The following NR4A1 variants were observed in gnomAD, a reference collection of about 807,000 sequenced individuals.
NR4A1 encodes the protein nuclear receptor subfamily 4 group A member 1, also known as nuclear receptor subfamily 4immunitygroup A member 1.
Under a neutral mutation model 47.5 loss-of-function variants are expected in NR4A1, and 24 were observed. The observed-to-expected ratio is 0.50, with a 90% CI of 0.37 to 0.71. The LOEUF (loss-of-function observed/expected upper bound fraction) is 0.71. Ranked by LOEUF, NR4A1 falls within the 30% of genes least tolerant of loss-of-function variation. The pLI, the probability that NR4A1 is intolerant of heterozygous loss-of-function variation, is 0.00. For synonymous variants in NR4A1, 353 were observed against 345.7 expected (o/e 1.02, Z -0.24); for missense variants, 669 against 788.6 (o/e 0.85, Z 1.82).
rs1939322085 is a variant in NR4A1 at position 52,057,259 on chromosome 12, G to C, written c.1361G>C (p.Arg454Thr). Residue 454 changes from arginine to threonine, a missense_variant and splice_region_variant, in exon 5 of 7, where the codon AGG becomes ACG. By Grantham distance (71) the Arg-to-Thr change is moderately conservative. Transcript: ENST00000394825. ...CTCTTCATCCTCCGCCTGGCGTACA[G>C]GTGAGAGCCACTGACTGTCTGCCCA... ...LELFILRLAYRSKPGEGKLIF... is the reference protein window; with the variant it reads ...LELFILRLAYTSKPGEGKLIF... The C allele has an allele frequency of 1.9e-6, 3 of 1,613,490 alleles. No individual in the cohort carries two copies. Among genetic ancestry groups the C allele is most frequent in the Non-Finnish European group, 2.5e-6 (3 of 1,179,818 alleles).
In NR4A1 at chr12:52,054,408, C is replaced by T. The variant is rs201407631; in HGVS notation, c.80C>T (p.Thr27Ile). 2.0e-5 allele frequency: 32 copies of T among 1,613,820 alleles called. 1 individual carries two copies. In the East Asian group the frequency reaches 6.5e-4, roughly 33 times the overall value. Residue 27 changes from threonine to isoleucine, a missense_variant, in exon 2 of 7, where the codon ACC becomes ATC. Physicochemically the swap from Thr to Ile is moderately conservative, Grantham distance 89 (BLOSUM62 -1). Coordinates refer to ENST00000394825, the MANE Select transcript of NR4A1 (RefSeq NM_173157.3). ...GACCACCTGGCAAGCGACCCCCTGA[C>T]CCCTGAGTTCATCAAGCCCACCATG... The part of the protein sequence containing the change: ...PRDHLASDPL[T>I]PEFIKPTMDL...
upstream of NR4A1, among the ~76,000 whole-genome samples, chr12:52,048,410 C>T (rs1358033912): frequency 2.0e-5 from 3 of 151,938 alleles, no homozygotes; most frequent in African/African-American, 2.4e-5. Flanking sequence ...CTGGCTAACA[C>T]AGTGAAACCC....
intron 2 of NR4A1, chr12:52,045,417 C>T (rs1391475369): frequency 2.6e-6 from 1 of 379,530 alleles, no homozygotes; most frequent in Non-Finnish European, 5.5e-6. Context: ...CCCCCTGTAG[C>T]ACTTCCCTGT....
chr12:52,050,598 G>A (rs1938872818), upstream of NR4A1, among the ~76,000 whole-genome samples: 1 of 152,212 alleles, frequency 6.6e-6, no homozygotes, highest in Non-Finnish European at 1.5e-5. Context: ...GGGACGGTGC[G>A]AAACCAAGTT....
At chr12:52,048,491 G>T (rs1348130061), upstream of NR4A1, among the ~76,000 whole-genome samples, 1 of 152,112 alleles carries the variant, frequency 6.6e-6, no homozygotes. Flanking sequence ...TGACTCGGGA[G>T]GCTGAGGCAG....
intron 2 of NR4A1, 167 bp from the exon 3 acceptor site, chr12:52,055,863 C>CG (rs1267141706): frequency 1.1e-5 from 5 of 458,968 alleles, no homozygotes; most frequent in African/African-American, 1.0e-4. Flanking sequence ...CTCCCCCCGC[C>CG]CAACCCCGTC....
chr12:52,052,698 T>G, intron 1 of NR4A1: 1 of 977,048 alleles, frequency 1.0e-6, no homozygotes, highest in Non-Finnish European at 1.2e-6. Flanking sequence ...GAGGGACTGA[T>G]GGGGGTTGAT....
intron 1 of NR4A1, among the ~76,000 whole-genome samples, chr12:52,029,791 A>T (rs1592280418): frequency 1.3e-5 from 2 of 152,218 alleles, no homozygotes; most frequent in Non-Finnish European, 2.9e-5. Flanking sequence ...GGCTTCCTTC[A>T]GTTCCCTCCC....
chr12:52,041,328 C>T (rs773663597), intron 1 of NR4A1, among the ~76,000 whole-genome samples: 3 of 152,102 alleles, frequency 2.0e-5, no homozygotes, highest in African/African-American at 4.8e-5. Context: ...CGAACCCAGA[C>T]GGTCTGGGAT....
At chr12:52,051,260 TCCTCGCCCCGCCC>T, upstream of NR4A1, 1 of 223,166 alleles carries the variant, frequency 4.5e-6, no homozygotes, top group Non-Finnish European at 7.5e-6. Context: ...AGGCCCCCCC[TCCTCGCCCCGCCC>T]CCTCGGGCTC....
upstream of NR4A1, among the ~76,000 whole-genome samples, chr12:52,050,211 T>G (rs567738992): frequency 1.2e-3 from 178 of 152,324 alleles, 1 homozygote; most frequent in Middle Eastern, 3.4e-3. Context: ...GGCTGAAGCC[T>G]GGTCTGTGCC....
rs751283612 is a variant in NR4A1, at chr12:52,054,830, G to A, written c.502G>A (p.Glu168Lys). Residue 168 changes from glutamate to lysine, a missense_variant, in exon 2 of 7, where the codon GAA (glutamate) becomes AAA (lysine). Physicochemically the swap from Glu to Lys is moderately conservative, Grantham distance 56. Coordinates refer to ENST00000394825, the MANE Select transcript of NR4A1 (RefSeq NM_173157.3). ...CCACTTCTCGCCCAGCCAGACTTAC[G>A]AAGGCCTGCGGGCATGGACAGAGCA... ...FGHFSPSQTY[E>K]GLRAWTEQLP... 4.3e-6 allele frequency: 7 copies of A among 1,613,670 alleles called. No individual in the cohort carries two copies. Among genetic ancestry groups the A allele is most frequent in the Admixed American group, 1.7e-5 (1 of 60,018 alleles).
At position 52,057,404 on chromosome 12, in the gene NR4A1, C is replaced by T. The variant is rs144874620; in HGVS notation, c.1414C>T (p.Arg472Trp). 1.2e-5 allele frequency: 19 copies of T among 1,614,224 alleles called. No homozygotes were observed. The highest frequency in any genetic ancestry group is 5.3e-5 in the African/African-American group (4 of 75,070). The change falls in exon 6 of 7, where the codon CGG becomes TGG. Residue 472 changes from arginine to tryptophan, a missense_variant. Coordinates refer to ENST00000394825, the MANE Select transcript of NR4A1 (RefSeq NM_173157.3). ...LIFCSGLVLHRLQCARGFGDW... is the reference protein window; with the variant it reads ...LIFCSGLVLHWLQCARGFGDW... The stretch of plus-strand genomic sequence containing the variant: ...CTTCTGCTCAGGCCTGGTGCTACAC[C>T]GGCTGCAGTGTGCCCGTGGCTTCGG...
Position 52,057,383 on chromosome 12 carries a change from T to C in NR4A1, c.1393T>C (p.Cys465Arg). ...SKPGEGKLIFCSGLVLHRLQC... is the reference protein window; with the variant it reads ...SKPGEGKLIFRSGLVLHRLQC... ...GCCAGGCGAGGGCAAGCTCATCTTC[T>C]GCTCAGGCCTGGTGCTACACCGGCT... Residue 465 changes from cysteine to arginine, a missense_variant, in exon 6 of 7, where the codon TGC becomes CGC. By Grantham distance (180) the Cys-to-Arg change is radical. Transcript: ENST00000394825. The C allele has an allele frequency of 6.2e-7, 1 of 1,614,268 alleles. No homozygotes were observed. Among genetic ancestry groups the C allele is most frequent in the Non-Finnish European group, 8.5e-7 (1 of 1,180,054 alleles).
intron 1 of NR4A1, among the ~76,000 whole-genome samples, chr12:52,035,823 T>G (rs1938223767): frequency 1.3e-5 from 2 of 150,936 alleles, no homozygotes; most frequent in South Asian, 2.1e-4. Flanking sequence ...GGCAGTGGGG[T>G]GGAGAGAGGA....
chr12:52,024,429 C>T (rs1484463761), intron 1 of NR4A1, among the ~76,000 whole-genome samples: 1 of 152,130 alleles, frequency 6.6e-6, no homozygotes, highest in Non-Finnish European at 1.5e-5. Context: ...CCAGATTCGG[C>T]CAGAGGGGTG....
chr12:52,045,345 G>A (rs1938591121), intron 2 of NR4A1: 1 of 296,186 alleles, frequency 3.4e-6, no homozygotes, highest in South Asian at 2.5e-5. Flanking sequence ...GAGTTCCACA[G>A]GGCCGAGTGT....
intron 1 of NR4A1, among the ~76,000 whole-genome samples, chr12:52,023,379 G>T (rs1292004333): frequency 4.6e-5 from 7 of 152,196 alleles, no homozygotes; most frequent in South Asian, 2.1e-4. Flanking sequence ...CGCCGCGAGT[G>T]GGGTGGGAGC....
At chr12:52,047,716 G>A (rs981933873), upstream of NR4A1, among the ~76,000 whole-genome samples, 5 of 152,212 alleles carry the variant, frequency 3.3e-5, no homozygotes, top group Non-Finnish European at 7.3e-5. Context: ...CCAGGGACCT[G>A]GACAGCTCCT....
Sources: gnomAD v4.1 joint callset for allele counts (sites outside exome capture counted in the v4.1 genomes callset) on GRCh38, gnomAD v4.1.1 for gene constraint, MANE v1.5 for transcripts, NCBI Gene and HGNC (gene_info 2026-07-23, HGNC 2026-07-21) for gene names.